CNTNAP5: variants seen among roughly 807,000 people sequenced by gnomAD.
The protein encoded by CNTNAP5 is contactin associated protein family member 5.
In CNTNAP5, 72 loss-of-function variants were observed where a neutral mutation model predicts 150.2. That is an observed-to-expected ratio of 0.48 (90% CI 0.40 to 0.58). The LOEUF is 0.58. Ranked by LOEUF, CNTNAP5 falls within the 20% of genes least tolerant of loss-of-function variation. CNTNAP5 has a pLI of 0.00. For missense variants in CNTNAP5, 1,636 were observed against 1,626.2 expected (o/e 1.01, Z -0.10); for synonymous variants, 672 against 619.8 (o/e 1.08, Z -1.25).
At chr2:124,351,435 T>A (rs1200313863) in intron 3 of CNTNAP5, among the ~76,000 whole-genome samples, 4 of 152,228 alleles carry the variant, frequency 2.6e-5, no homozygotes, top group African/African-American at 9.6e-5. Flanking sequence ...AGCCTGGCAG[T>A]GTTCTTGTTG....
intron 19 of CNTNAP5, among the ~76,000 whole-genome samples, chr2:124,853,325 C>T (rs1683193826): frequency 6.6e-6 from 1 of 152,174 alleles, no homozygotes; most frequent in African/African-American, 2.4e-5. Context: ...AATGGAATCC[C>T]CCTTTACAGA....
At chr2:124,210,972 A>G (rs2104724336) in intron 1 of CNTNAP5, among the ~76,000 whole-genome samples, 1 of 152,292 alleles carries the variant, frequency 6.6e-6, no homozygotes, top group Middle Eastern at 3.4e-3. Flanking sequence ...TGTTCCCTTT[A>G]AGAGTCACCA....
intron 3 of CNTNAP5, among the ~76,000 whole-genome samples, chr2:124,303,033 G>A (rs750149794): frequency 6.6e-6 from 1 of 152,108 alleles, no homozygotes. Context: ...CCACCTTCCT[G>A]TTGTTCCTTT....
chr2:124,510,389 A>ACACACACACACACACAC (rs1694547908), intron 8 of CNTNAP5, among the ~76,000 whole-genome samples: 3 of 131,594 alleles, frequency 2.3e-5, no homozygotes, highest in Non-Finnish European at 4.8e-5. Flanking sequence ...ACACACACAC[A>ACACACACACACACACAC]AATATTCATT....
chr2:124,236,180 G>A (rs1686742446), intron 2 of CNTNAP5, among the ~76,000 whole-genome samples: 1 of 152,040 alleles, frequency 6.6e-6, no homozygotes, highest in South Asian at 2.1e-4. Flanking sequence ...TGGCCACACT[G>A]GTCTTGAATT....
intron 4 of CNTNAP5, among the ~76,000 whole-genome samples, chr2:124,424,295 G>A (rs1450420998): frequency 6.6e-6 from 1 of 152,158 alleles, no homozygotes; most frequent in Non-Finnish European, 1.5e-5. Flanking sequence ...GACATGCTAA[G>A]GCCCATACAG....
At chr2:124,483,621 C>A (rs567392963) in intron 7 of CNTNAP5, among the ~76,000 whole-genome samples, 1 of 152,340 alleles carries the variant, frequency 6.6e-6, no homozygotes, top group African/African-American at 2.4e-5. Context: ...ACCTTCTCCT[C>A]AGAGCCCCTT....
chr2:124,410,098 A>G (rs1256133529), intron 3 of CNTNAP5, among the ~76,000 whole-genome samples: 1 of 152,230 alleles, frequency 6.6e-6, no homozygotes, highest in Admixed American at 6.5e-5. Context: ...CTGATAAAAT[A>G]CTTTAAACCA....
At chr2:124,352,661 C>A (rs1689900594) in intron 3 of CNTNAP5, among the ~76,000 whole-genome samples, 1 of 152,138 alleles carries the variant, frequency 6.6e-6, no homozygotes, top group Admixed American at 6.6e-5. Flanking sequence ...AATGTTTTGC[C>A]TCATTTTTTT....
At chr2:124,614,208 CT>C (rs1677448848) in intron 12 of CNTNAP5, among the ~76,000 whole-genome samples, 1 of 152,050 alleles carries the variant, frequency 6.6e-6, no homozygotes. Context: ...CTACATAACA[CT>C]GGTTTTATTT....
intron 11 of CNTNAP5, among the ~76,000 whole-genome samples, chr2:124,582,691 G>GT (rs35311681): frequency 0.016 from 2,406 of 151,310 alleles, 53 homozygotes; most frequent in East Asian, 0.09. Context: ...ATCCATGAAA[G>GT]TTTTTTTTTC....
At chr2:124,634,526 T>C (rs12995183) in intron 12 of CNTNAP5, among the ~76,000 whole-genome samples, 63,223 of 151,976 alleles carry the variant, frequency 0.42, 15,457 homozygotes, top group Non-Finnish European at 0.56. Flanking sequence ...ATTTTTTAAA[T>C]GAGGCACGGT....
At chr2:124,505,324 C>A (rs1330085072) in intron 8 of CNTNAP5, among the ~76,000 whole-genome samples, 1 of 152,120 alleles carries the variant, frequency 6.6e-6, no homozygotes, top group Non-Finnish European at 1.5e-5. Flanking sequence ...AGTGATGGAG[C>A]TGGGAATTTA....
At chr2:124,033,711 C>T (rs1325236325) in intron 1 of CNTNAP5, among the ~76,000 whole-genome samples, 1 of 152,094 alleles carries the variant, frequency 6.6e-6, no homozygotes, top group Non-Finnish European at 1.5e-5. Context: ...CCTGGGAAGG[C>T]CCCTTGATTG....
At chr2:124,490,642 C>A (rs1340735387) in intron 7 of CNTNAP5, among the ~76,000 whole-genome samples, 1 of 151,976 alleles carries the variant, frequency 6.6e-6, no homozygotes, top group South Asian at 2.1e-4. Flanking sequence ...AATATGGTAG[C>A]CACTAGTCAT....
At chr2:124,075,396 T>G (rs946535642) in intron 1 of CNTNAP5, among the ~76,000 whole-genome samples, 1 of 152,120 alleles carries the variant, frequency 6.6e-6, no homozygotes, top group Non-Finnish European at 1.5e-5. Context: ...TTTGCCATCA[T>G]CAGTAAGTCT....
Position 124,788,575 on chromosome 2 carries a change from TTTTTTCTTTC to T in CNTNAP5, c.2753-1313_2753-1304del, listed in dbSNP as rs1050809453. 3.4e-3 allele frequency among the ~76,000 whole-genome samples: 509 copies of T among 149,942 alleles called. 11 individuals are homozygous for T. Among genetic ancestry groups the T allele is most frequent in the East Asian group, 7.8e-3 (40 of 5,120 alleles). On this transcript the variant is annotated intron_variant, in intron 17 of 23. Coordinates refer to ENST00000682447, the MANE Select transcript of CNTNAP5 (RefSeq NM_001367498.1). ...AACAGGTATTGTATTCTATGTTATT[TTTTTTCTTTC>T]TTTTTCTTTCTTTCTTTCTTTTTTT...
intron 12 of CNTNAP5, among the ~76,000 whole-genome samples, chr2:124,627,025 G>A (rs1397842760): frequency 6.6e-6 from 1 of 152,168 alleles, no homozygotes; most frequent in Non-Finnish European, 1.5e-5. Flanking sequence ...TCACTGGAGA[G>A]GGCCTCCCTG....
chr2:124,829,562 T>C (rs1219334412), intron 19 of CNTNAP5, among the ~76,000 whole-genome samples: 1 of 152,050 alleles, frequency 6.6e-6, no homozygotes, highest in Non-Finnish European at 1.5e-5. Context: ...TAGTGGTATA[T>C]ACATAATAGC....
Sources: gnomAD v4.1 joint callset for allele counts (sites outside exome capture counted in the v4.1 genomes callset) on GRCh38, gnomAD v4.1.1 for gene constraint, MANE v1.5 for transcripts, NCBI Gene and HGNC (gene_info 2026-07-23, HGNC 2026-07-21) for gene names.